LUZP2: variants seen among roughly 807,000 people sequenced by gnomAD.
The protein encoded by LUZP2 is leucine zipper protein 2.
LUZP2 carries 52 observed loss-of-function variants against 51.6 expected under a neutral mutation model. The ratio of observed to expected loss-of-function variants is 1.01; its 90% CI spans 0.81 to 1.27. The LOEUF (loss-of-function observed/expected upper bound fraction) is 1.27. Among genes scored for constraint, LUZP2 ranks in the 50% most tolerant of loss-of-function variants. LUZP2 has a pLI of 0.00. For synonymous variants in LUZP2, 154 were observed against 137.3 expected, an observed-to-expected ratio of 1.12 and a Z score of -0.85; for missense variants, 436 against 395.4, an observed-to-expected ratio of 1.10 and a Z score of -0.87.
intron 5 of LUZP2, among the ~76,000 whole-genome samples, chr11:24,861,785 C>G (rs1851750528): frequency 6.6e-6 from 1 of 152,172 alleles, no homozygotes; most frequent in Non-Finnish European, 1.5e-5. Context: ...AGGGAGCAGT[C>G]ACAGTAGAAT....
chr11:24,968,049 G>T (rs1590786684), intron 7 of LUZP2, among the ~76,000 whole-genome samples: 1 of 152,102 alleles, frequency 6.6e-6, no homozygotes, highest in African/African-American at 2.4e-5. Context: ...TGTACGGTTT[G>T]TTTTATTCTT....
intron 1 of LUZP2, among the ~76,000 whole-genome samples, chr11:24,666,158 T>C (rs1856205959): frequency 6.6e-6 from 1 of 152,022 alleles, no homozygotes; most frequent in African/African-American, 2.4e-5. Context: ...AAGGTCTGCT[T>C]AGAAAATGAG....
At chr11:24,878,088 G>A (rs2171257) in intron 5 of LUZP2, among the ~76,000 whole-genome samples, 70,403 of 140,660 alleles carry the variant, frequency 0.5, 17,583 homozygotes, top group East Asian at 0.7. Flanking sequence ...TTACGGTGTT[G>A]TAATATTCTG....
Position 25,058,397 on chromosome 11 carries a change from C to T in LUZP2, c.858+8267C>T, listed in dbSNP as rs778956232. On this transcript the variant is annotated intron_variant, in intron 10 of 11. Transcript: ENST00000336930. ...TGGTAAATGAAAATAACCCAGTAAC[C>T]GTGTTAATATATATTATAAAAATCA... Among the ~76,000 whole-genome samples the T allele has an allele frequency of 6.8e-4, 104 of 151,838 alleles. 1 individual carries two copies. The highest frequency in any genetic ancestry group is 2.2e-3 in the African/African-American group (91 of 41,298).
intron 1 of LUZP2, among the ~76,000 whole-genome samples, chr11:24,525,336 A>T (rs1850765784): frequency 6.6e-6 from 1 of 151,680 alleles, no homozygotes; most frequent in Admixed American, 6.6e-5. Flanking sequence ...TGCTTCACAT[A>T]ATCCTAGAAG....
At chr11:24,602,032 A>G (rs1020732894) in intron 1 of LUZP2, among the ~76,000 whole-genome samples, 23 of 143,900 alleles carry the variant, frequency 1.6e-4, no homozygotes, top group African/African-American at 5.9e-4. Flanking sequence ...ATGTGTATAT[A>G]TGTATATCTG....
chr11:24,958,695 T>C (rs1855289403), intron 7 of LUZP2, among the ~76,000 whole-genome samples: 1 of 152,166 alleles, frequency 6.6e-6, no homozygotes, highest in African/African-American at 2.4e-5. Flanking sequence ...TTCTCCCATT[T>C]TGTGGGTTGC....
chr11:24,715,263 ATG>A (rs58368050), intron 1 of LUZP2, among the ~76,000 whole-genome samples: 5,011 of 133,854 alleles, frequency 0.037, 243 homozygotes, highest in African/African-American at 0.12. Context: ...AGGAGCAACT[ATG>A]TGTGTGTGTG....
intron 5 of LUZP2, among the ~76,000 whole-genome samples, chr11:24,774,381 T>TATATATATATATATATACACAC (rs1184772523): frequency 1.1e-5 from 1 of 93,986 alleles, no homozygotes; most frequent in African/African-American, 4.6e-5. Context: ...TATATATATA[T>TATATATATATATATATACACAC]ACATACACAC....
At chr11:24,892,487 C>T (rs1590697259) in intron 5 of LUZP2, 1 of 718,814 alleles carries the variant, frequency 1.4e-6, no homozygotes. Flanking sequence ...TATTAATAGC[C>T]TATTTCTCTT....
chr11:24,937,460 T>C lies in LUZP2; in HGVS notation c.522+22922T>C, dbSNP rs147229331. 5.5e-3 allele frequency among the ~76,000 whole-genome samples: 838 copies of C among 152,316 alleles called. 3 individuals are homozygous for C. Among genetic ancestry groups the C allele is most frequent in the Non-Finnish European group, 9.1e-3 (617 of 68,022 alleles). The stretch of plus-strand genomic sequence containing the variant: ...TAGCAGGATCAAATGAGATTGTATA[T>C]GCAAATACATTGTACAAAATATTTT... On this transcript the variant is annotated intron_variant, in intron 7 of 11. Transcript: ENST00000336930.
In LUZP2 at chr11:24,968,524, C is replaced by T. The variant is rs144242803; in HGVS notation, c.523-8067C>T. Among the ~76,000 whole-genome samples, 40 of 152,190 alleles carry T rather than the reference C, an allele frequency of 2.6e-4. 1 individual carries two copies. The East Asian group carries it at 4.1e-3, about 15-fold the overall frequency. ...TCTCTGGAGCTCTACTATCCTTCTACGGTGCTTAACCTTGAGTTTTTCTCT... is the reference window on the plus strand; with the variant it reads ...TCTCTGGAGCTCTACTATCCTTCTATGGTGCTTAACCTTGAGTTTTTCTCT... On this transcript the variant is annotated intron_variant, in intron 7 of 11. Coordinates refer to ENST00000336930, the MANE Select transcript of LUZP2 (RefSeq NM_001009909.4).
chr11:24,567,334 C>T (rs762764318), intron 1 of LUZP2, among the ~76,000 whole-genome samples: 1 of 151,746 alleles, frequency 6.6e-6, no homozygotes, highest in Non-Finnish European at 1.5e-5. Context: ...TAAACAGAGG[C>T]TTAATGAAAT....
chr11:24,603,094 G>A (rs548500374), intron 1 of LUZP2, among the ~76,000 whole-genome samples: 1 of 151,650 alleles, frequency 6.6e-6, no homozygotes, highest in Non-Finnish European at 1.5e-5. Flanking sequence ...GCACATTCAG[G>A]TCCCAACAGT....
chr11:25,021,663 G>T (rs1335972127), intron 9 of LUZP2, among the ~76,000 whole-genome samples: 7 of 152,058 alleles, frequency 4.6e-5, no homozygotes, highest in Admixed American at 2.0e-4. Flanking sequence ...CAAGACCCAG[G>T]AATTTTCATG....
At chr11:25,027,497 T>C (rs1044188931) in intron 9 of LUZP2, among the ~76,000 whole-genome samples, 2 of 152,186 alleles carry the variant, frequency 1.3e-5, no homozygotes, top group African/African-American at 4.8e-5. Context: ...TATAAAATTT[T>C]AACTGAATCA....
At chr11:24,708,706 A>G (rs1269100373) in intron 1 of LUZP2, among the ~76,000 whole-genome samples, 1 of 152,190 alleles carries the variant, frequency 6.6e-6, no homozygotes, top group Non-Finnish European at 1.5e-5. Context: ...GTATGATTCA[A>G]GAATTCATAT....
At chr11:24,774,052 A>G (rs550223135) in intron 5 of LUZP2, among the ~76,000 whole-genome samples, 1 of 152,074 alleles carries the variant, frequency 6.6e-6, no homozygotes, top group Admixed American at 6.6e-5. Flanking sequence ...CATTTGAGTC[A>G]GCGGGCTGGG....
At chr11:25,013,785 C>A (rs1213241892) in intron 9 of LUZP2, among the ~76,000 whole-genome samples, 1 of 151,882 alleles carries the variant, frequency 6.6e-6, no homozygotes, top group African/African-American at 2.4e-5. Flanking sequence ...TTTTAGGGTA[C>A]ATGTGCACAT....
Sources: gnomAD v4.1 joint callset for allele counts (sites outside exome capture counted in the v4.1 genomes callset) on GRCh38, gnomAD v4.1.1 for gene constraint, MANE v1.5 for transcripts, NCBI Gene and HGNC (gene_info 2026-07-23, HGNC 2026-07-21) for gene names.